Variants in MDGA2 observed in about 807,000 individuals in gnomAD.
MDGA2 encodes MAM domain containing glycosylphosphatidylinositol anchor 2.
A neutral mutation model predicts 117.8 loss-of-function variants in MDGA2; 40 were observed. That is an observed-to-expected ratio of 0.34 (90% CI 0.26 to 0.44). MDGA2 has a LOEUF of 0.44. Among genes scored for constraint, MDGA2 ranks in the 20% least tolerant of loss-of-function variants. The probability of loss-of-function intolerance (pLI) is 1.00; values close to 1 mark genes in which losing one functional copy is unlikely to be tolerated. For missense variants in MDGA2, 1,123 were observed against 1,250.6 expected (o/e 0.90, Z 1.54); for synonymous variants, 452 against 439.0 (o/e 1.03, Z -0.37).
intron 2 of MDGA2, among the ~76,000 whole-genome samples, chr14:47,262,570 C>T (rs998160822): frequency 1.3e-5 from 2 of 152,122 alleles, no homozygotes; most frequent in Non-Finnish European, 2.9e-5. Context: ...GTTTTTCTCC[C>T]TTACTCCATG....
chr14:47,336,865 A>G (rs953070509), intron 1 of MDGA2, among the ~76,000 whole-genome samples: 5 of 151,678 alleles, frequency 3.3e-5, no homozygotes, highest in Non-Finnish European at 5.9e-5. Flanking sequence ...TGACTTGTTC[A>G]CCATTTTTTC....
At chr14:47,160,054 C>A (rs72680224) in intron 3 of MDGA2, among the ~76,000 whole-genome samples, 28 of 152,068 alleles carry the variant, frequency 1.8e-4, no homozygotes, top group African/African-American at 6.5e-4. Context: ...TGTGTCACTT[C>A]GAGGTCTAAT....
intron 8 of MDGA2, among the ~76,000 whole-genome samples, chr14:47,000,391 T>TATATGTGTGTGTATATA (rs1887476061): frequency 3.0e-5 from 1 of 32,830 alleles, no homozygotes; most frequent in Non-Finnish European, 5.8e-5. Context: ...ATATATATAT[T>TATATGTGTGTGTATATA]TATATATAAA....
intron 1 of MDGA2, among the ~76,000 whole-genome samples, chr14:47,492,561 G>T (rs1243180945): frequency 6.6e-6 from 1 of 151,982 alleles, no homozygotes; most frequent in Non-Finnish European, 1.5e-5. Context: ...GAAATTCAGA[G>T]AAACTGTTTT....
chr14:47,342,626 A>C (rs1003662462), intron 1 of MDGA2, among the ~76,000 whole-genome samples: 1 of 152,178 alleles, frequency 6.6e-6, no homozygotes, highest in East Asian at 1.9e-4. Flanking sequence ...TATTTTACTA[A>C]GAAGAATTCC....
intron 7 of MDGA2, among the ~76,000 whole-genome samples, chr14:47,044,647 C>A (rs973352735): frequency 1.3e-5 from 2 of 152,082 alleles, no homozygotes; most frequent in African/African-American, 4.8e-5. Flanking sequence ...TTTTTTCACA[C>A]TGACACACAC....
At chr14:47,526,656 C>T (rs1395815170) in intron 1 of MDGA2, among the ~76,000 whole-genome samples, 2 of 152,032 alleles carry the variant, frequency 1.3e-5, no homozygotes, top group South Asian at 2.1e-4. Context: ...TTGGCAAATG[C>T]CTTCAGAGGA....
At chr14:47,653,076 A>C (rs1191995240) in intron 1 of MDGA2, among the ~76,000 whole-genome samples, 1 of 109,024 alleles carries the variant, frequency 9.2e-6, no homozygotes. Context: ...GTGCTATCCC[A>C]GTAGAACCTC....
intron 1 of MDGA2, among the ~76,000 whole-genome samples, chr14:47,654,495 AAGG>A (rs1897706420): frequency 6.6e-6 from 1 of 152,114 alleles, no homozygotes. Context: ...AACCCTTCAA[AAGG>A]AGGACAGGGA....
chr14:47,495,206 G>T (rs574251087), intron 1 of MDGA2, among the ~76,000 whole-genome samples: 1 of 152,176 alleles, frequency 6.6e-6, no homozygotes, highest in South Asian at 2.1e-4. Flanking sequence ...TTATAAGTGG[G>T]AGTAAATAAT....
intron 7 of MDGA2, among the ~76,000 whole-genome samples, chr14:47,055,808 T>C (rs1472725920): frequency 6.6e-6 from 1 of 152,144 alleles, no homozygotes. Flanking sequence ...CCCATTATCA[T>C]AGCAGAGTGG....
At chr14:47,164,292 T>A (rs1298965544) in intron 3 of MDGA2, among the ~76,000 whole-genome samples, 1 of 152,154 alleles carries the variant, frequency 6.6e-6, no homozygotes, top group Non-Finnish European at 1.5e-5. Context: ...GCTTTCCCAG[T>A]TCCCTGAGTC....
intron 8 of MDGA2, among the ~76,000 whole-genome samples, chr14:47,019,700 C>G (rs1326964792): frequency 2.0e-5 from 3 of 151,860 alleles, no homozygotes; most frequent in Non-Finnish European, 4.4e-5. Flanking sequence ...AAAAATTAGC[C>G]GGGCGTGGTG....
At chr14:47,623,216 G>A (rs1383086073) in intron 1 of MDGA2, among the ~76,000 whole-genome samples, 5 of 152,054 alleles carry the variant, frequency 3.3e-5, no homozygotes, top group Non-Finnish European at 7.4e-5. Flanking sequence ...TCCACCATGG[G>A]ATGATGCAAC....
At chr14:47,263,160 G>C (rs1206995638) in intron 2 of MDGA2, among the ~76,000 whole-genome samples, 1 of 152,054 alleles carries the variant, frequency 6.6e-6, no homozygotes, top group African/African-American at 2.4e-5. Flanking sequence ...ACTACTTTAA[G>C]TTTTCTAAGT....
intron 1 of MDGA2, among the ~76,000 whole-genome samples, chr14:47,332,384 C>A (rs1208555389): frequency 1.3e-5 from 2 of 151,832 alleles, no homozygotes; most frequent in East Asian, 3.9e-4. Context: ...CTGTTGAATC[C>A]AAACAACATT....
At chr14:47,553,455 A>G (rs1213418585) in intron 1 of MDGA2, among the ~76,000 whole-genome samples, 4 of 152,210 alleles carry the variant, frequency 2.6e-5, no homozygotes. Context: ...GTTAAGTAAT[A>G]TCTGAAATGA....
chr14:47,553,503 A>G (rs1478902497), intron 1 of MDGA2, among the ~76,000 whole-genome samples: 6 of 152,268 alleles, frequency 3.9e-5, no homozygotes, highest in South Asian at 2.1e-4. Context: ...TTAAATAGCT[A>G]ATTTTTTCAA....
intron 1 of MDGA2, among the ~76,000 whole-genome samples, chr14:47,537,584 A>G (rs1285969161): frequency 2.7e-5 from 2 of 74,016 alleles, no homozygotes; most frequent in Non-Finnish European, 5.7e-5. Flanking sequence ...TAAAAAAAAA[A>G]AAAAAAAAAA....
Sources: allele counts gnomAD v4.1 joint callset (sites outside exome capture counted in the v4.1 genomes callset), GRCh38; gene constraint gnomAD v4.1.1; transcripts MANE v1.5; gene names NCBI Gene and HGNC (gene_info 2026-07-23, HGNC 2026-07-21).